GRID2: variants seen among roughly 807,000 people sequenced by gnomAD.
GRID2 encodes the protein glutamate ionotropic receptor delta type subunit 2, also known as glutamate receptor ionotropic, delta-2.
GRID2 carries 33 observed loss-of-function variants against 114.8 expected under a neutral mutation model. The ratio of observed to expected loss-of-function variants is 0.29; its 90% CI spans 0.22 to 0.38. The LOEUF (loss-of-function observed/expected upper bound fraction) is 0.38. Ranked by LOEUF, GRID2 falls within the 10% of genes least tolerant of loss-of-function variation. The pLI is 1.00. For synonymous variants in GRID2, 505 were observed against 449.9 expected (o/e 1.12, Z -1.55); for missense variants, 1,184 against 1,257.7 (o/e 0.94, Z 0.89).
At chr4:92,558,404 G>A (rs930027008) in intron 1 of GRID2, among the ~76,000 whole-genome samples, 6 of 151,998 alleles carry the variant, frequency 3.9e-5, no homozygotes, top group South Asian at 4.2e-4. Flanking sequence ...TTTTATAAAC[G>A]TTGTTGAGCA....
intron 4 of GRID2, among the ~76,000 whole-genome samples, chr4:93,146,619 GAGAA>G (rs1736286058): frequency 6.6e-6 from 1 of 151,582 alleles, no homozygotes; most frequent in African/African-American, 2.4e-5. Context: ...GAGAGAGAGA[GAGAA>G]AGAGAGAAAG....
At chr4:92,472,080 C>T (rs1484179207) in intron 1 of GRID2, among the ~76,000 whole-genome samples, 1 of 116,382 alleles carries the variant, frequency 8.6e-6, no homozygotes, top group Non-Finnish European at 1.8e-5. Flanking sequence ...ACTACAGGCG[C>T]CCGCCACTAC....
intron 2 of GRID2, among the ~76,000 whole-genome samples, chr4:92,755,734 C>T (rs1415755641): frequency 1.3e-5 from 2 of 151,966 alleles, no homozygotes; most frequent in Non-Finnish European, 2.9e-5. Context: ...AAGTAAGTAC[C>T]CTAGAGCTAT....
rs1402540082 is a variant in GRID2, at chr4:93,155,577, C to T, written c.735+44624C>T. ...TATCCAGTAAAACTGAATTATTTGG[C>T]AACAGTTTATCCAGGTTATCTAATA... On this transcript the variant is annotated intron_variant, in intron 4 of 15. Coordinates refer to ENST00000282020, the MANE Select transcript of GRID2 (RefSeq NM_001510.4). Among the ~76,000 whole-genome samples, 21 of 151,908 alleles carry T rather than the reference C, an allele frequency of 1.4e-4. No homozygotes were observed. In the Admixed American group the frequency reaches 1.4e-3, roughly 10 times the overall value.
chr4:93,504,558 A>G (rs1728441375), intron 12 of GRID2, among the ~76,000 whole-genome samples: 1 of 152,090 alleles, frequency 6.6e-6, no homozygotes, highest in Non-Finnish European at 1.5e-5. Context: ...GAAGTTTAAT[A>G]GGGACGAATA....
chr4:92,668,744 T>G (rs1044433192), intron 2 of GRID2, among the ~76,000 whole-genome samples: 1 of 151,844 alleles, frequency 6.6e-6, no homozygotes, highest in African/African-American at 2.4e-5. Flanking sequence ...TAAAATCACT[T>G]TTACTACTCC....
chr4:92,628,265 G>T (rs1240739177), intron 2 of GRID2, among the ~76,000 whole-genome samples: 2 of 152,084 alleles, frequency 1.3e-5, no homozygotes, highest in Non-Finnish European at 2.9e-5. Context: ...TCTCCAGAGA[G>T]CATTCTCCTC....
intron 1 of GRID2, among the ~76,000 whole-genome samples, chr4:92,579,545 A>C (rs1043863331): frequency 1.2e-4 from 18 of 152,118 alleles, no homozygotes; most frequent in Non-Finnish European, 1.9e-4. Context: ...CAGTTTATAT[A>C]GGATAAAAAC....
At chr4:93,190,590 A>G (rs1740885977) in intron 4 of GRID2, among the ~76,000 whole-genome samples, 2 of 152,060 alleles carry the variant, frequency 1.3e-5, no homozygotes, top group African/African-American at 4.8e-5. Flanking sequence ...CATTTTTTCC[A>G]TTTGAAATGT....
intron 2 of GRID2, among the ~76,000 whole-genome samples, chr4:92,969,978 T>G (rs1327976045): frequency 1.3e-5 from 2 of 151,934 alleles, no homozygotes; most frequent in Admixed American, 6.6e-5. Flanking sequence ...ATTTTTTAAT[T>G]TTGACTTTGG....
At position 92,346,934 on chromosome 4, in the gene GRID2, CTCTA is replaced by C. The variant is rs564231209; in HGVS notation, c.88+42198_88+42201del. The stretch of plus-strand genomic sequence containing the variant: ...TCTATCTCTCATTATGCATCTGTCT[CTCTA>C]TCTATCTCATCATCTTTTGATACTT... On this transcript the variant is annotated intron_variant, in intron 1 of 15. Transcript: ENST00000282020. Among the ~76,000 whole-genome samples the C allele has an allele frequency of 7.9e-5, 12 of 152,250 alleles. 1 individual carries two copies. Among genetic ancestry groups the C allele is most frequent in the Admixed American group, 2.0e-4 (3 of 15,288 alleles).
chr4:93,157,062 C>A (rs879264581), intron 4 of GRID2, among the ~76,000 whole-genome samples: 13 of 151,710 alleles, frequency 8.6e-5, no homozygotes, highest in Non-Finnish European at 1.9e-4. Context: ...CTCTATTTTT[C>A]TTTTATTTTA....
chr4:93,678,361 T>A (rs1163563915), intron 14 of GRID2, among the ~76,000 whole-genome samples: 1 of 152,138 alleles, frequency 6.6e-6, no homozygotes, highest in East Asian at 1.9e-4. Context: ...CTGCAGGATA[T>A]TATCCAGGAC....
chr4:92,345,982 A>C (rs1326155911), intron 1 of GRID2, among the ~76,000 whole-genome samples: 1 of 152,226 alleles, frequency 6.6e-6, no homozygotes, highest in Non-Finnish European at 1.5e-5. Context: ...TTATATGTTT[A>C]TGTACCTCAC....
intron 2 of GRID2, among the ~76,000 whole-genome samples, chr4:92,877,728 C>G (rs905879551): frequency 6.6e-6 from 1 of 152,140 alleles, no homozygotes; most frequent in African/African-American, 2.4e-5. Context: ...TATAGTCCTG[C>G]AAAGTGGTTT....
chr4:92,385,741 T>C (rs1345431039), intron 1 of GRID2, among the ~76,000 whole-genome samples: 1 of 151,578 alleles, frequency 6.6e-6, no homozygotes, highest in Non-Finnish European at 1.5e-5. Context: ...TGTGTCCTAC[T>C]TTTGTACATT....
chr4:93,444,598 C>CA (rs1721920302), intron 10 of GRID2, among the ~76,000 whole-genome samples: 1 of 151,812 alleles, frequency 6.6e-6, no homozygotes, highest in African/African-American at 2.4e-5. Flanking sequence ...AAAAAGGAAA[C>CA]ATTCAAAAAA....
At chr4:92,816,318 C>CAAAAAAAAAAAAAAAAAAA (rs764487348) in intron 2 of GRID2, among the ~76,000 whole-genome samples, 1 of 48,258 alleles carries the variant, frequency 2.1e-5, no homozygotes, top group Admixed American at 2.2e-4. Context: ...TCTGTCTCAC[C>CAAAAAAAAAAAAAAAAAAA]AAAAAAAAAA....
chr4:93,582,449 G>A (rs1336820879), intron 13 of GRID2, among the ~76,000 whole-genome samples: 2 of 152,068 alleles, frequency 1.3e-5, no homozygotes, highest in Non-Finnish European at 2.9e-5. Context: ...GGATTGGAAG[G>A]TAGACATATT....
Sources: gnomAD v4.1 joint callset for allele counts (sites outside exome capture counted in the v4.1 genomes callset) on GRCh38, gnomAD v4.1.1 for gene constraint, MANE v1.5 for transcripts, NCBI Gene and HGNC (gene_info 2026-07-23, HGNC 2026-07-21) for gene names.